The following CFAP299 variants were observed in gnomAD, a reference collection of about 807,000 sequenced individuals.
CFAP299 encodes cilia- and flagella-associated protein 299.
A neutral mutation model predicts 27.0 loss-of-function variants in CFAP299; 21 were observed. The ratio of observed to expected loss-of-function variants is 0.78; its 90% CI spans 0.55 to 1.12. CFAP299 has a LOEUF of 1.12. CFAP299 is among the 50% of genes most tolerant of loss of function. The pLI is 0.00. For synonymous variants in CFAP299, 104 were observed against 98.1 expected, an observed-to-expected ratio of 1.06 and a Z score of -0.36; for missense variants, 310 against 276.6, an observed-to-expected ratio of 1.12 and a Z score of -0.86.
intron 2 of CFAP299, among the ~76,000 whole-genome samples, chr4:80,487,436 G>A (rs936680394): frequency 5.3e-5 from 8 of 152,126 alleles, no homozygotes; most frequent in East Asian, 1.9e-4. Context: ...AGTATCTTGT[G>A]CCATAGTTTT....
At chr4:80,959,450 C>A (rs929244511) in intron 5 of CFAP299, among the ~76,000 whole-genome samples, 1 of 151,926 alleles carries the variant, frequency 6.6e-6, no homozygotes, top group Admixed American at 6.6e-5. Flanking sequence ...GGAAATATTT[C>A]CAAGAATTAC....
At chr4:80,842,165 G>A (rs536407249) in intron 3 of CFAP299, among the ~76,000 whole-genome samples, 1 of 152,208 alleles carries the variant, frequency 6.6e-6, no homozygotes, top group Admixed American at 6.5e-5. Context: ...CAGATGAGAA[G>A]AGGCTACTGT....
intron 3 of CFAP299, among the ~76,000 whole-genome samples, chr4:80,707,311 G>A (rs942389810): frequency 6.6e-6 from 1 of 151,174 alleles, no homozygotes; most frequent in Non-Finnish European, 1.5e-5. Flanking sequence ...ATAATCAAAA[G>A]AAGAAGAATA....
At chr4:80,765,553 T>C (rs1725809217) in intron 3 of CFAP299, among the ~76,000 whole-genome samples, 1 of 151,988 alleles carries the variant, frequency 6.6e-6, no homozygotes, top group African/African-American at 2.4e-5. Context: ...TTTAAATGAA[T>C]AGGTATAAAA....
At chr4:80,449,519 A>G (rs1728797625) in intron 2 of CFAP299, among the ~76,000 whole-genome samples, 1 of 151,842 alleles carries the variant, frequency 6.6e-6, no homozygotes, top group Admixed American at 6.6e-5. Context: ...TATTTCTAAA[A>G]CACATAATAG....
intron 3 of CFAP299, among the ~76,000 whole-genome samples, chr4:80,769,302 A>G (rs1726072117): frequency 6.6e-6 from 1 of 152,200 alleles, no homozygotes; most frequent in Non-Finnish European, 1.5e-5. Context: ...AGTCTATTAT[A>G]AAACTTTTAC....
chr4:80,666,623 T>G (rs1004838009), intron 3 of CFAP299, among the ~76,000 whole-genome samples: 2 of 152,232 alleles, frequency 1.3e-5, no homozygotes, highest in Non-Finnish European at 2.9e-5. Flanking sequence ...TTTCAATACC[T>G]ATAGCAGATT....
chr4:80,908,238 A>C (rs1186266310), intron 4 of CFAP299, among the ~76,000 whole-genome samples: 1 of 152,226 alleles, frequency 6.6e-6, no homozygotes. Flanking sequence ...CTGCATCTGT[A>C]TACAATAACA....
intron 3 of CFAP299, among the ~76,000 whole-genome samples, chr4:80,854,063 T>G (rs1731684708): frequency 6.6e-6 from 1 of 151,874 alleles, no homozygotes; most frequent in Non-Finnish European, 1.5e-5. Flanking sequence ...ACTCCAAAAT[T>G]TAGAGGTCAG....
At chr4:80,561,645 T>C (rs1017199661) in intron 2 of CFAP299, among the ~76,000 whole-genome samples, 3 of 151,476 alleles carry the variant, frequency 2.0e-5, no homozygotes, top group Admixed American at 2.0e-4. Context: ...ATTCTGGAGG[T>C]GAAAAATGTG....
At chr4:80,628,456 G>A (rs576220776) in intron 3 of CFAP299, among the ~76,000 whole-genome samples, 7 of 152,050 alleles carry the variant, frequency 4.6e-5, no homozygotes, top group Admixed American at 2.0e-4. Flanking sequence ...CAAAGCACAG[G>A]CAACAAAAGC....
At chr4:80,870,967 T>G in intron 4 of CFAP299, 2 of 815,674 alleles carry the variant, frequency 2.5e-6, no homozygotes, top group Non-Finnish European at 1.5e-6. Context: ...AGTGCAATGG[T>G]GCAATCTTGG....
At chr4:80,552,026 G>A (rs1023666178) in intron 2 of CFAP299, among the ~76,000 whole-genome samples, 1 of 152,196 alleles carries the variant, frequency 6.6e-6, no homozygotes, top group Admixed American at 6.5e-5. Flanking sequence ...TGGGATTACA[G>A]GCGTGAGCCA....
chr4:80,335,901 G>A (rs1337592632), intron 1 of CFAP299, 22 bp downstream of exon 1: 6 of 1,464,066 alleles, frequency 4.1e-6, no homozygotes, highest in Non-Finnish European at 5.7e-6. Context: ...GCGCGGCAGA[G>A]TAGCCGCCGC....
At chr4:80,498,581 TAA>T (rs35100793) in intron 2 of CFAP299, among the ~76,000 whole-genome samples, 6 of 148,396 alleles carry the variant, frequency 4.0e-5, no homozygotes, top group African/African-American at 1.2e-4. Flanking sequence ...TATTAAAAAG[TAA>T]AAAAAAAAAT....
At chr4:80,575,389 T>C (rs947487420) in intron 2 of CFAP299, among the ~76,000 whole-genome samples, 1 of 151,772 alleles carries the variant, frequency 6.6e-6, no homozygotes, top group Admixed American at 6.6e-5. Flanking sequence ...GCAGTGGCAC[T>C]ATCACACCTC....
chr4:80,962,621 TG>T (rs1003292131), intron 5 of CFAP299, among the ~76,000 whole-genome samples: 3 of 151,930 alleles, frequency 2.0e-5, no homozygotes, highest in African/African-American at 7.2e-5. Context: ...CTAACTTAGA[TG>T]GGGGCACAGT....
At chr4:80,622,547 A>G (rs1738661258) in intron 3 of CFAP299, among the ~76,000 whole-genome samples, 1 of 152,168 alleles carries the variant, frequency 6.6e-6, no homozygotes, top group South Asian at 2.1e-4. Context: ...ATAATATAAT[A>G]ACTTGACTGG....
chr4:80,776,881 A>G (rs1228987256), intron 3 of CFAP299, among the ~76,000 whole-genome samples: 3 of 151,924 alleles, frequency 2.0e-5, no homozygotes, highest in African/African-American at 7.2e-5. Flanking sequence ...ACCTAAAAAA[A>G]AAAAAAACCC....
Sources: gnomAD v4.1 joint callset for allele counts (sites outside exome capture counted in the v4.1 genomes callset) on GRCh38, gnomAD v4.1.1 for gene constraint, MANE v1.5 for transcripts, NCBI Gene and HGNC (gene_info 2026-07-23, HGNC 2026-07-21) for gene names.